PTPRZ1: variants seen among roughly 807,000 people sequenced by gnomAD.
PTPRZ1 encodes receptor-type tyrosine-protein phosphatase zeta.
A neutral mutation model predicts 214.1 loss-of-function variants in PTPRZ1; 82 were observed. The ratio of observed to expected loss-of-function variants is 0.38; its 90% confidence interval spans 0.32 to 0.46. The LOEUF (loss-of-function observed/expected upper bound fraction) is 0.46, where lower values mean the gene tolerates loss of function less well. Among genes scored for constraint, PTPRZ1 ranks in the 20% least tolerant of loss-of-function variants. The pLI is 1.00. For synonymous variants in PTPRZ1, 945 were observed against 987.9 expected (o/e 0.96, Z 0.81); for missense variants, 2,603 against 2,748.7 (o/e 0.95, Z 1.19).
chr7:122,024,349 A>G (rs916703131), intron 13 of PTPRZ1, among the ~76,000 whole-genome samples: 1 of 152,082 alleles, frequency 6.6e-6, no homozygotes, highest in Non-Finnish European at 1.5e-5. Context: ...AGCAATATAG[A>G]AAAGGACTTC....
intron 2 of PTPRZ1, among the ~76,000 whole-genome samples, chr7:121,931,408 T>C (rs1047605353): frequency 6.6e-6 from 1 of 152,188 alleles, no homozygotes; most frequent in African/African-American, 2.4e-5. Context: ...TTACCAAGTA[T>C]GTATGAGTAA....
intron 13 of PTPRZ1, among the ~76,000 whole-genome samples, chr7:122,019,584 T>C (rs1562866411): frequency 6.6e-6 from 1 of 151,984 alleles, no homozygotes; most frequent in East Asian, 1.9e-4. Flanking sequence ...TTCTCGTTAG[T>C]TGTTATAATT....
chr7:122,012,803 C>A lies in PTPRZ1; in HGVS notation c.3757C>A (p.His1253Asn), dbSNP rs61757818. ...VFDVSPTSHM[H>N]SASLQGLTIS... is the part of the protein sequence containing the mutation. ...TGATGTGTCGCCTACTTCTCATATG[C>A]ACTCTGCTTCACTTCAAGGTTTGAC... The change falls in exon 12 of 30, where the codon CAC (histidine) becomes AAC (asparagine). Residue 1253 changes from histidine to asparagine, a missense_variant. Physicochemically the swap from His to Asn is moderately conservative, Grantham distance 68. Transcript: ENST00000393386. 14 of 1,610,652 alleles carry A rather than the reference C, an allele frequency of 8.7e-6. No individual in the cohort carries two copies. Among genetic ancestry groups the A allele is most frequent in the Non-Finnish European group, 1.1e-5 (13 of 1,176,886 alleles).
At chr7:121,954,637 T>A (rs558065856) in intron 2 of PTPRZ1, among the ~76,000 whole-genome samples, 3 of 152,372 alleles carry the variant, frequency 2.0e-5, no homozygotes, top group African/African-American at 7.2e-5. Context: ...TTTATATCTT[T>A]GGTTCTCACT....
chr7:122,025,330 C>CTTTTTTTTT (rs766588678), intron 13 of PTPRZ1, among the ~76,000 whole-genome samples: 1 of 132,874 alleles, frequency 7.5e-6, no homozygotes. Flanking sequence ...CTTTTTTTTT[C>CTTTTTTTTT]TTTTTTTTTT....
intron 2 of PTPRZ1, among the ~76,000 whole-genome samples, chr7:121,946,870 T>C (rs758712452): frequency 1.4e-4 from 21 of 152,028 alleles, no homozygotes; most frequent in Non-Finnish European, 2.4e-4. Context: ...TCAGACAAAC[T>C]CAAATTGAGG....
intron 2 of PTPRZ1, among the ~76,000 whole-genome samples, chr7:121,963,444 A>G (rs2116495817): frequency 6.6e-6 from 1 of 152,290 alleles, no homozygotes; most frequent in Admixed American, 6.5e-5. Context: ...ATAATGAATA[A>G]GCATAAGACT....
At chr7:121,900,005 A>G (rs1006515507) in intron 1 of PTPRZ1, among the ~76,000 whole-genome samples, 5 of 152,278 alleles carry the variant, frequency 3.3e-5, no homozygotes, top group East Asian at 1.9e-4. Flanking sequence ...GGCCCAGTCA[A>G]TAGATACTCT....
chr7:122,054,082 T>C (rs1007384039), intron 26 of PTPRZ1, 44 bp downstream of exon 26: 1 of 1,601,646 alleles, frequency 6.2e-7, no homozygotes, highest in Non-Finnish European at 8.5e-7. Flanking sequence ...TACAGAGGAA[T>C]ATCAGGTTAC....
At chr7:121,986,119 A>T (rs1263096045) in intron 8 of PTPRZ1, among the ~76,000 whole-genome samples, 1 of 152,208 alleles carries the variant, frequency 6.6e-6, no homozygotes, top group Non-Finnish European at 1.5e-5. Flanking sequence ...GCCCAAAGTA[A>T]TAATCCATAA....
At chr7:121,986,158 T>A (rs1467133716) in intron 8 of PTPRZ1, among the ~76,000 whole-genome samples, 1 of 152,168 alleles carries the variant, frequency 6.6e-6, no homozygotes, top group Non-Finnish European at 1.5e-5. Flanking sequence ...CTACTGTGTA[T>A]TGTGTGACTC....
rs1792579944 is a variant in PTPRZ1 at position 122,061,612 on chromosome 7, A to G, written c.*392A>G. The G allele has an allele frequency of 6.5e-6, 1 of 154,148 alleles. No homozygotes were observed. The highest frequency in any genetic ancestry group is 2.4e-5 in the African/African-American group (1 of 41,474). 9.5% of individuals were successfully genotyped at this position (154,148 alleles called of 1,614,324 possible). ...AGGTTTGCTAGAAATATAACTTTTA[A>G]TACAGTAGCCTGTAAATAAAACACT... On this transcript the variant is annotated 3_prime_UTR_variant, in exon 30 of 30. Coordinates refer to ENST00000393386, the MANE Select transcript of PTPRZ1 (RefSeq NM_002851.3).
chr7:122,053,785 A>G, intron 25 of PTPRZ1, 125 bp from the exon 26 acceptor site: 1 of 1,151,976 alleles, frequency 8.7e-7, no homozygotes, highest in South Asian at 1.6e-5. Flanking sequence ...TCATATTACT[A>G]CATATAGACA....
In PTPRZ1 at chr7:122,019,412, C is replaced by G. The variant is rs185131024; in HGVS notation, c.4988+144C>G. The G allele has an allele frequency of 1.0e-3, 805 of 803,092 alleles. 5 individuals are homozygous for G. The African/African-American group carries it at 0.012, about 12-fold the overall frequency. The allele number at this position is 803,092 out of a possible 1,614,324, so 49.7% of individuals were successfully genotyped here. Reference sequence around the variant, plus strand: ...TTTATTCAAGGTAAATTTGTGAATCCAAAGGCACAATAATGAAGGAGTTAA... The same window carrying G: ...TTTATTCAAGGTAAATTTGTGAATCGAAAGGCACAATAATGAAGGAGTTAA... On this transcript the variant is annotated intron_variant, in intron 13 of 29. Transcript: ENST00000393386.
intron 18 of PTPRZ1, among the ~76,000 whole-genome samples, chr7:122,037,251 G>T (rs1332673538): frequency 9.2e-5 from 14 of 151,596 alleles, no homozygotes; most frequent in Non-Finnish European, 2.9e-5. Flanking sequence ...CTCCAGCCTG[G>T]GCAACAGAGT....
chr7:122,058,358 C>G lies in PTPRZ1; in HGVS notation c.6529-442C>G, dbSNP rs1001267689. On this transcript the variant is annotated intron_variant, in intron 27 of 29. Coordinates refer to ENST00000393386, the MANE Select transcript of PTPRZ1 (RefSeq NM_002851.3). The stretch of plus-strand genomic sequence containing the variant: ...TGAACCTAGATCTCTACCTCCTTGT[C>G]GGCGTTTTCTCCACTGTGTCATGCA... Among the ~76,000 whole-genome samples, 12 of 152,080 alleles carry G rather than the reference C, an allele frequency of 7.9e-5. 1 individual carries two copies. In the East Asian group the frequency reaches 2.1e-3, roughly 27 times the overall value.
intron 12 of PTPRZ1, among the ~76,000 whole-genome samples, chr7:122,017,046 C>T (rs1473352837): frequency 1.3e-5 from 2 of 151,988 alleles, no homozygotes; most frequent in Non-Finnish European, 2.9e-5. Context: ...GATCAAACGT[C>T]AAGAAAATCT....
chr7:121,960,541 A>C lies in PTPRZ1; in HGVS notation c.125-7410A>C, dbSNP rs147680670. ...ACATTGAGATTTTTATTATATATCT[A>C]TTAATTTTCAGTGGATCTCTGCTGA... On this transcript the variant is annotated intron_variant, in intron 2 of 29. Transcript: ENST00000393386. Among the ~76,000 whole-genome samples the C allele has an allele frequency of 4.9e-3, 744 of 152,302 alleles. 8 individuals carry two copies. The highest frequency in any genetic ancestry group is 0.017 in the African/African-American group (722 of 41,556).
chr7:122,049,462 T>TA (rs1792103559), intron 23 of PTPRZ1, among the ~76,000 whole-genome samples: 1 of 151,940 alleles, frequency 6.6e-6, no homozygotes, highest in South Asian at 2.1e-4. Context: ...TAAACATACA[T>TA]AAAAATCAAT....
Sources: allele counts gnomAD v4.1 joint callset (sites outside exome capture counted in the v4.1 genomes callset), GRCh38; gene constraint gnomAD v4.1.1; transcripts MANE v1.5; gene names NCBI Gene and HGNC (gene_info 2026-07-23, HGNC 2026-07-21).